The following METTL21C variants were observed in gnomAD, a reference collection of about 807,000 sequenced individuals.
METTL21C encodes the protein methyltransferase 21C, AARS1 lysine, also known as protein-lysine methyltransferase METTL21C.
In METTL21C, 21 loss-of-function variants were observed where a neutral mutation model predicts 25.9. That is an observed-to-expected ratio of 0.81 (90% confidence interval 0.58 to 1.17). METTL21C has a LOEUF of 1.17. METTL21C is among the 50% of genes most tolerant of loss of function. METTL21C has a pLI of 0.00. For missense variants in METTL21C, 312 were observed against 315.1 expected (o/e 0.99, Z 0.07); for synonymous variants, 125 against 124.7 (o/e 1.00, Z -0.01).
chr13:102,686,790 A>C (rs1885687258), intron 3 of METTL21C, 150 bp downstream of exon 3: 1 of 645,908 alleles, frequency 1.5e-6, no homozygotes, highest in African/African-American at 1.8e-5. Flanking sequence ...TGTAGATAAC[A>C]GCAGTAATTC....
At chr13:102,689,220 T>C (rs532229601) in intron 2 of METTL21C, among the ~76,000 whole-genome samples, 1 of 152,298 alleles carries the variant, frequency 6.6e-6, no homozygotes, top group East Asian at 1.9e-4. Flanking sequence ...ATAAGCCACA[T>C]GCCCGGCCTC....
chr13:102,692,822 A>G (rs1680597818), intron 1 of METTL21C, among the ~76,000 whole-genome samples: 1 of 152,144 alleles, frequency 6.6e-6, no homozygotes, highest in African/African-American at 2.4e-5. Context: ...CCCTGGTAGG[A>G]GGCTGTAGGG....
At chr13:102,689,586 T>A (rs887652141) in intron 2 of METTL21C, among the ~76,000 whole-genome samples, 2 of 152,174 alleles carry the variant, frequency 1.3e-5, no homozygotes, top group Admixed American at 6.5e-5. Flanking sequence ...ACCTCCTGAA[T>A]CAGAATCCGC....
intron 2 of METTL21C, among the ~76,000 whole-genome samples, chr13:102,688,401 T>C (rs994263667): frequency 1.3e-5 from 2 of 152,132 alleles, no homozygotes; most frequent in African/African-American, 2.4e-5. Context: ...CAAACTGAAT[T>C]CTGGGGAGGT....
In METTL21C at chr13:102,694,479, G is replaced by A. The variant is rs749239343; in HGVS notation, c.20C>T (p.Ser7Phe). The part of the protein sequence containing the change: MDVCLS[S>F]AQQPGRRGEG... ...CCCCCGGCGCCCAGGCTGCTGCGCG[G>A]AGCTCAGACACACGTCCATAGCCGG... Residue 7 changes from serine (S) to phenylalanine (F), a missense_variant, in exon 1 of 4, where the codon TCC becomes TTC. Physicochemically the swap from Ser to Phe is radical, Grantham distance 155 (BLOSUM62 -2). Transcript: ENST00000267273. The A allele has an allele frequency of 2.8e-6, 4 of 1,450,502 alleles. No individual in the cohort carries two copies. The South Asian group carries it at 4.7e-5, about 17-fold the overall frequency. The allele number at this position is 1,450,502 out of a possible 1,614,324, so 89.9% of individuals were successfully genotyped here.
intron 2 of METTL21C, among the ~76,000 whole-genome samples, chr13:102,688,866 T>TC (rs530940052): frequency 1.1e-5 from 1 of 88,960 alleles, no homozygotes; most frequent in Non-Finnish European, 2.4e-5. Flanking sequence ...TTGCAAACAT[T>TC]CCCCCGCCAG....
chr13:102,690,070 C>T (rs1885786850), intron 2 of METTL21C, among the ~76,000 whole-genome samples: 1 of 152,124 alleles, frequency 6.6e-6, no homozygotes, highest in Admixed American at 6.5e-5. Flanking sequence ...GGGTGACATG[C>T]CACAAAGTCA....
chr13:102,691,383 T>G (rs773691035), intron 1 of METTL21C, among the ~76,000 whole-genome samples: 4 of 151,382 alleles, frequency 2.6e-5, no homozygotes, highest in Non-Finnish European at 4.4e-5. Flanking sequence ...AGAGTCTCAC[T>G]CTGTTGCCCA....
In METTL21C at chr13:102,686,207, T is replaced by G. The variant is rs766061315; in HGVS notation, c.619A>C (p.Thr207Pro). 1 of 1,614,214 alleles carries G rather than the reference T, an allele frequency of 6.2e-7. No individual in the cohort carries two copies. Among genetic ancestry groups the G allele is most frequent in the Non-Finnish European group, 8.5e-7 (1 of 1,180,032 alleles). ...GGCTGGGAAAGGTACACCATGGTGG[T>G]GAGCAGCTTGTCCAGGAAGTAGTGA... The part of the protein sequence containing the change: ...YHHYFLDKLL[T>P]TMVYLSQPGT... Residue 207 changes from threonine (T) to proline (P), a missense_variant, in exon 4 of 4, where the codon ACC becomes CCC. By Grantham distance (38) the Thr-to-Pro change is conservative. Coordinates refer to ENST00000267273, the MANE Select transcript of METTL21C (RefSeq NM_001010977.3).
At chr13:102,691,348 C>CT (rs11342787) in intron 1 of METTL21C, among the ~76,000 whole-genome samples, 270 of 144,898 alleles carry the variant, frequency 1.9e-3, no homozygotes, top group South Asian at 2.0e-3. Context: ...ACAAACCTGC[C>CT]TTTTTTTTTT....
At chr13:102,698,258 CTGAG>C (rs1885977851), upstream of METTL21C, among the ~76,000 whole-genome samples, 1 of 152,080 alleles carries the variant, frequency 6.6e-6, no homozygotes, top group Non-Finnish European at 1.5e-5. Context: ...TATGGAAAAG[CTGAG>C]CATCTGAAAC....
the METTL21C span, among the ~76,000 whole-genome samples, chr13:102,703,191 A>T: frequency 1.3e-5 from 2 of 152,150 alleles, no homozygotes; most frequent in Admixed American, 6.5e-5. Context: ...CAGCAAAATA[A>T]ATCAGAAGCT....
upstream of METTL21C, among the ~76,000 whole-genome samples, chr13:102,698,463 G>A (rs1232723382): frequency 6.6e-6 from 1 of 152,116 alleles, no homozygotes; most frequent in African/African-American, 2.4e-5. Context: ...ATCTGCTCTA[G>A]AGATAACAAC....
chr13:102,697,080 T>G (rs768053919), upstream of METTL21C, among the ~76,000 whole-genome samples: 3 of 152,146 alleles, frequency 2.0e-5, no homozygotes, highest in Non-Finnish European at 4.4e-5. Flanking sequence ...AAGAACTTTC[T>G]AACAAGTAGA....
chr13:102,704,227 T>G, the METTL21C span, among the ~76,000 whole-genome samples: 1 of 152,226 alleles, frequency 6.6e-6, no homozygotes, highest in Non-Finnish European at 1.5e-5. Flanking sequence ...TCTCAGCTTT[T>G]CAAAGCTTAA....
At chr13:102,686,791 G>T in intron 3 of METTL21C, 149 bp downstream of exon 3, 2 of 647,628 alleles carry the variant, frequency 3.1e-6, no homozygotes, top group Non-Finnish European at 5.5e-6. Context: ...GTAGATAACA[G>T]CAGTAATTCC....
rs772216181 is a variant in METTL21C, at chr13:102,694,343, G to C, written c.130+26C>G. The stretch of plus-strand genomic sequence containing the variant: ...GCCAGGAAAACAACTGAGGAAAACT[G>C]TTGAAGTGATGAAGAAGGAGGTTAC... On this transcript the variant is annotated intron_variant, in intron 1 of 3. Transcript: ENST00000267273. 8.1e-6 allele frequency: 13 copies of C among 1,595,852 alleles called. 1 individual carries two copies. In the South Asian group the frequency reaches 1.3e-4, roughly 16 times the overall value.
intron 1 of METTL21C, among the ~76,000 whole-genome samples, chr13:102,692,111 A>G (rs1355976572): frequency 1.3e-5 from 2 of 152,172 alleles, no homozygotes; most frequent in African/African-American, 4.8e-5. Flanking sequence ...ATATGACTGT[A>G]AAATGTTTAA....
chr13:102,688,571 C>T (rs953125905), intron 2 of METTL21C, among the ~76,000 whole-genome samples: 1 of 152,132 alleles, frequency 6.6e-6, no homozygotes, highest in African/African-American at 2.4e-5. Context: ...TAAATAGCAC[C>T]AACTGCAGCA....
Sources: allele counts gnomAD v4.1 joint callset (sites outside exome capture counted in the v4.1 genomes callset), GRCh38; gene constraint gnomAD v4.1.1; transcripts MANE v1.5; gene names NCBI Gene and HGNC (gene_info 2026-07-23, HGNC 2026-07-21).